DNAJC16: variants seen among roughly 807,000 people sequenced by gnomAD.
DNAJC16 encodes dnaJ homolog subfamily C member 16.
In DNAJC16, 76 loss-of-function variants were observed where a neutral mutation model predicts 92.7. The ratio of observed to expected loss-of-function variants is 0.82; its 90% CI spans 0.68 to 0.99. DNAJC16 has a LOEUF of 0.99. Ranked by LOEUF, DNAJC16 falls within the 50% of genes least tolerant of loss-of-function variation. The pLI is 0.00. For synonymous variants in DNAJC16, 328 were observed against 358.7 expected (o/e 0.91, Z 0.97); for missense variants, 869 against 942.4 (o/e 0.92, Z 1.02).
intron 4 of DNAJC16, among the ~76,000 whole-genome samples, chr1:15,537,180 T>C (rs1422504205): frequency 6.6e-6 from 1 of 152,208 alleles, no homozygotes; most frequent in African/African-American, 2.4e-5. Context: ...TTGCCTATTC[T>C]ATAAACCCTT....
intron 11 of DNAJC16, among the ~76,000 whole-genome samples, chr1:15,564,887 T>G (rs1012837764): frequency 4.7e-5 from 7 of 150,132 alleles, no homozygotes; most frequent in Admixed American, 1.3e-4. Context: ...CAGACTGGAA[T>G]GCAGTGGCAC....
chr1:15,547,900 C>G (rs1638348717), intron 6 of DNAJC16, among the ~76,000 whole-genome samples: 1 of 152,140 alleles, frequency 6.6e-6, no homozygotes, highest in Non-Finnish European at 1.5e-5. Context: ...ACACTCCCCA[C>G]TACCTCTCAT....
In DNAJC16 at chr1:15,568,541, G is replaced by A. The variant is rs1279417830; in HGVS notation, c.*364G>A. ...CTCCACCCTGCAAGCGGCATCTGGC[G>A]GACCCTCATGAGCCTGTCGTGCAGG... On this transcript the variant is annotated 3_prime_UTR_variant, in exon 15 of 15. Coordinates refer to ENST00000375847, the MANE Select transcript of DNAJC16 (RefSeq NM_015291.4). The A allele has an allele frequency of 4.7e-6, 2 of 426,472 alleles. No homozygotes were observed. Among genetic ancestry groups the A allele is most frequent in the South Asian group, 8.8e-5 (1 of 11,364 alleles). The allele number at this position is 426,472 out of a possible 1,614,324, so 26.4% of individuals were successfully genotyped here.
intron 7 of DNAJC16, among the ~76,000 whole-genome samples, chr1:15,552,771 T>TTA (rs1557581741): frequency 1.4e-5 from 2 of 139,140 alleles, no homozygotes; most frequent in African/African-American, 5.3e-5. Context: ...TTATTATTTA[T>TTA]TTTTTTTTTT....
At chr1:15,533,713 T>TA (rs1710715177) in intron 2 of DNAJC16, among the ~76,000 whole-genome samples, 1 of 152,234 alleles carries the variant, frequency 6.6e-6, no homozygotes, top group Non-Finnish European at 1.5e-5. Flanking sequence ...AAAAATGTTC[T>TA]AATTTGAAAG....
intron 7 of DNAJC16, among the ~76,000 whole-genome samples, chr1:15,558,095 T>C (rs1450742276): frequency 1.3e-5 from 2 of 150,954 alleles, no homozygotes; most frequent in East Asian, 3.9e-4. Flanking sequence ...GGTCTTGAAC[T>C]CCTGACCTCA....
intron 7 of DNAJC16, among the ~76,000 whole-genome samples, chr1:15,551,756 G>A (rs1035629988): frequency 1.3e-4 from 20 of 151,994 alleles, no homozygotes; most frequent in African/African-American, 4.8e-4. Flanking sequence ...TGAGACTACA[G>A]GCATGCACCA....
At chr1:15,562,096 C>T in intron 8 of DNAJC16, 46 bp from the exon 9 acceptor site, 1 of 1,581,944 alleles carries the variant, frequency 6.3e-7, no homozygotes, top group Non-Finnish European at 8.6e-7. Context: ...GGTGCTGGCC[C>T]TGCCATCAGG....
intron 7 of DNAJC16, among the ~76,000 whole-genome samples, chr1:15,555,551 T>C (rs1326763362): frequency 1.4e-5 from 2 of 144,770 alleles, no homozygotes; most frequent in African/African-American, 5.2e-5. Flanking sequence ...GGCGCGGTGG[T>C]AGATGCCTGT....
At chr1:15,567,569 G>A (rs1032355102) in intron 14 of DNAJC16, among the ~76,000 whole-genome samples, 4 of 152,104 alleles carry the variant, frequency 2.6e-5, no homozygotes, top group South Asian at 2.1e-4. Context: ...AAGTTCCACC[G>A]AGCAAGCGAT....
At chr1:15,566,318 G>A in intron 13 of DNAJC16, 138 bp downstream of exon 13, 3 of 704,216 alleles carry the variant, frequency 4.3e-6, no homozygotes, top group Non-Finnish European at 7.0e-6. Context: ...TGGCTACAGG[G>A]AAAAGTCACT....
chr1:15,556,701 A>G (rs1240604418), intron 7 of DNAJC16, among the ~76,000 whole-genome samples: 1 of 151,928 alleles, frequency 6.6e-6, no homozygotes, highest in Non-Finnish European at 1.5e-5. Context: ...TTTTTCTGAC[A>G]TTACTCCTGA....
intron 1 of DNAJC16, among the ~76,000 whole-genome samples, chr1:15,527,784 ACT>A (rs1710553128): frequency 6.6e-6 from 1 of 152,210 alleles, no homozygotes; most frequent in African/African-American, 2.4e-5. Flanking sequence ...GAAATCCACC[ACT>A]GTTATAGCTT....
At chr1:15,543,966 T>C (rs1380706718) in intron 4 of DNAJC16, among the ~76,000 whole-genome samples, 1 of 152,104 alleles carries the variant, frequency 6.6e-6, no homozygotes, top group African/African-American at 2.4e-5. Context: ...ATGTTAAGCT[T>C]GAGAAGTCTA....
intron 1 of DNAJC16, among the ~76,000 whole-genome samples, chr1:15,527,540 A>G (rs1049071331): frequency 5.3e-5 from 8 of 152,212 alleles, no homozygotes; most frequent in African/African-American, 1.4e-4. Context: ...GTAAGTTTAA[A>G]TAATTTGCCC....
chr1:15,539,339 A>G (rs1471098997), intron 4 of DNAJC16, among the ~76,000 whole-genome samples: 1 of 151,430 alleles, frequency 6.6e-6, no homozygotes, highest in Non-Finnish European at 1.5e-5. Flanking sequence ...TCCGCCTCCC[A>G]GGTTCACACC....
rs374130190 is a variant in DNAJC16 at position 15,566,227 on chromosome 1, C to G, written c.1778+47C>G. ...ACTCACCTCCCCGGCACCTGCCCCC[C>G]AGATCCTGTCATCTGATAACGCAGC... On this transcript the variant is annotated intron_variant, in intron 13 of 14. Transcript: ENST00000375847. 5 of 1,443,048 alleles carry G rather than the reference C, an allele frequency of 3.5e-6. No homozygotes were observed. The African/African-American group carries it at 4.2e-5, about 12-fold the overall frequency. The allele number at this position is 1,443,048 out of a possible 1,614,324, so 89.4% of individuals were successfully genotyped here.
In DNAJC16 at chr1:15,536,467, C is replaced by T. The variant is rs1183972244; in HGVS notation, c.235-8C>T. ...TGTTGTTGTTTAGATTTTTTTCTTC[C>T]TTTATAGATTCTTTCAAATGAAGAA... On this transcript the variant is annotated splice_region_variant and splice_polypyrimidine_tract_variant and intron_variant, in intron 3 of 14. Transcript: ENST00000375847. The T allele has an allele frequency of 1.9e-6, 3 of 1,558,832 alleles. No homozygotes were observed. The highest frequency in any genetic ancestry group is 2.6e-6 in the Non-Finnish European group (3 of 1,156,692).
chr1:15,548,566 T>G (rs1290941314), intron 7 of DNAJC16, 138 bp downstream of exon 7: 3 of 868,250 alleles, frequency 3.5e-6, no homozygotes, highest in African/African-American at 3.4e-5. Context: ...ATGAATTTTT[T>G]TATCTAACTT....
Sources: gnomAD v4.1 joint callset for allele counts (sites outside exome capture counted in the v4.1 genomes callset) on GRCh38, gnomAD v4.1.1 for gene constraint, MANE v1.5 for transcripts, NCBI Gene and HGNC (gene_info 2026-07-23, HGNC 2026-07-21) for gene names.